Variants in EFHD1 observed in about 807,000 individuals in gnomAD.
EFHD1 encodes EF-hand domain-containing protein D1.
A neutral mutation model predicts 17.2 loss-of-function variants in EFHD1; 10 were observed. The ratio of observed to expected loss-of-function variants is 0.58; its 90% CI spans 0.36 to 0.99. The LOEUF (loss-of-function observed/expected upper bound fraction) is 0.99. Among genes scored for constraint, EFHD1 ranks in the 50% least tolerant of loss-of-function variants. The probability of loss-of-function intolerance (pLI) is 0.01; values close to 1 mark genes in which losing one functional copy is unlikely to be tolerated. For synonymous variants in EFHD1, 153 were observed against 142.0 expected (o/e 1.08, Z -0.55); for missense variants, 310 against 327.5 (o/e 0.95, Z 0.41).
intron 1 of EFHD1, among the ~76,000 whole-genome samples, chr2:232,649,616 A>C (rs1384641991): frequency 6.6e-6 from 1 of 152,162 alleles, no homozygotes; most frequent in East Asian, 1.9e-4. Flanking sequence ...CTACTTTAAA[A>C]AAATAGCCTC....
At chr2:232,631,466 A>T (rs1694200025), upstream of EFHD1, among the ~76,000 whole-genome samples, 2 of 151,054 alleles carry the variant, frequency 1.3e-5, no homozygotes, top group Admixed American at 6.6e-5. Flanking sequence ...TTTTTATTTT[A>T]TTTTTATTTT....
At chr2:232,612,461 AG>A (rs1434714618) in intron 1 of EFHD1, among the ~76,000 whole-genome samples, 2 of 152,208 alleles carry the variant, frequency 1.3e-5, no homozygotes, top group Non-Finnish European at 2.9e-5. Flanking sequence ...AATGGGCAAA[AG>A]ATTTGAATCA....
chr2:232,660,198 A>T (rs1031128903), intron 1 of EFHD1, among the ~76,000 whole-genome samples: 2 of 60,432 alleles, frequency 3.3e-5, no homozygotes, highest in Admixed American at 1.5e-4. Flanking sequence ...TTATTTATTT[A>T]TTTATTTTTT....
chr2:232,634,992 CTG>C (rs984955516), intron 1 of EFHD1, among the ~76,000 whole-genome samples: 2 of 152,238 alleles, frequency 1.3e-5, no homozygotes, highest in Admixed American at 1.3e-4. Context: ...GGCGCTGTGA[CTG>C]GCGCTGCGTC....
chr2:232,635,876 G>A (rs1694310273), intron 1 of EFHD1, among the ~76,000 whole-genome samples: 1 of 151,816 alleles, frequency 6.6e-6, no homozygotes, highest in Admixed American at 6.6e-5. Flanking sequence ...TCCCAGCAGA[G>A]CTAACAGTTC....
Position 232,662,783 on chromosome 2 carries a change from C to T in EFHD1, c.303-19C>T, listed in dbSNP as rs1694897639. ...CGAGTGTCCTTTCATCCCGGTCATG[C>T]ATTCCTTTGACCCTGCAGGTATGAC... is the stretch of plus-strand genomic sequence containing the variant. On this transcript the variant is annotated intron_variant, in intron 1 of 3. Transcript: ENST00000264059. 6.4e-7 allele frequency: 1 copy of T among 1,554,310 alleles called. No individual in the cohort carries two copies. Among genetic ancestry groups the T allele is most frequent in the African/African-American group, 1.4e-5 (1 of 70,742 alleles).
chr2:232,649,739 G>A (rs1490069082), intron 1 of EFHD1: 1 of 152,414 alleles, frequency 6.6e-6, no homozygotes, highest in East Asian at 1.9e-4. Flanking sequence ...GTTACAGATG[G>A]GGCCAAGTCT....
At chr2:232,664,986 A>T (rs1245264353) in intron 2 of EFHD1, among the ~76,000 whole-genome samples, 1 of 151,904 alleles carries the variant, frequency 6.6e-6, no homozygotes, top group Non-Finnish European at 1.5e-5. Context: ...GTCTTACCTC[A>T]CTGCAACCCT....
intron 2 of EFHD1, among the ~76,000 whole-genome samples, chr2:232,670,312 G>A (rs1298217248): frequency 2.6e-5 from 4 of 152,010 alleles, no homozygotes; most frequent in African/African-American, 7.2e-5. Context: ...GTGATGTCAC[G>A]CTCCTGTAAT....
At chr2:232,649,900 T>A (rs1331705536) in intron 1 of EFHD1, 2 of 152,262 alleles carry the variant, frequency 1.3e-5, no homozygotes, top group African/African-American at 2.4e-5. Flanking sequence ...GAGGATCTCC[T>A]GAGCCCAAGA....
At chr2:232,656,772 T>A (rs1377105155) in intron 1 of EFHD1, among the ~76,000 whole-genome samples, 2 of 152,060 alleles carry the variant, frequency 1.3e-5, no homozygotes, top group East Asian at 1.9e-4. Context: ...TGGTGAGATA[T>A]ACATAATGTG....
intron 1 of EFHD1, among the ~76,000 whole-genome samples, chr2:232,615,312 A>AGTGTGTGTGTGT (rs35239145): frequency 0.012 from 1,596 of 136,512 alleles, 22 homozygotes; most frequent in South Asian, 0.03. Flanking sequence ...TGTCAACTAT[A>AGTGTGTGTGTGT]GTGTGTGTGT....
upstream of EFHD1, among the ~76,000 whole-genome samples, chr2:232,631,404 G>A (rs1207139825): frequency 6.6e-6 from 1 of 151,730 alleles, no homozygotes; most frequent in East Asian, 1.9e-4. Context: ...GGGCCCAAGT[G>A]ATCCCAAATA....
At chr2:232,622,437 C>G (rs1157185145) in intron 1 of EFHD1, among the ~76,000 whole-genome samples, 1 of 150,386 alleles carries the variant, frequency 6.6e-6, no homozygotes, top group Non-Finnish European at 1.5e-5. Context: ...CCACTGCACT[C>G]CAGCCTGGGC....
At chr2:232,679,149 A>G (rs1695229612) in intron 3 of EFHD1, among the ~76,000 whole-genome samples, 1 of 152,198 alleles carries the variant, frequency 6.6e-6, no homozygotes, top group African/African-American at 2.4e-5. Context: ...AAAGGTATTA[A>G]AAGGAAATTC....
At chr2:232,677,223 CACACACACACACACACACGT>C (rs1471415224) in intron 3 of EFHD1, among the ~76,000 whole-genome samples, 1 of 138,412 alleles carries the variant, frequency 7.2e-6, no homozygotes, top group Admixed American at 7.6e-5. Context: ...CACACACACA[CACACACACACACACACACGT>C]ACACACACAC....
At chr2:232,653,343 T>C (rs2106205567) in intron 1 of EFHD1, among the ~76,000 whole-genome samples, 1 of 151,908 alleles carries the variant, frequency 6.6e-6, no homozygotes, top group Admixed American at 6.6e-5. Flanking sequence ...CAGGCTGGAG[T>C]GCAGTGGCAT....
chr2:232,681,905 G>A lies in EFHD1; in HGVS notation c.*186G>A. 1 of 908,512 alleles carries A rather than the reference G, an allele frequency of 1.1e-6. No homozygotes were observed. The highest frequency in any genetic ancestry group is 1.6e-6 in the Non-Finnish European group (1 of 634,104). 56.3% of individuals were successfully genotyped at this position (908,512 alleles called of 1,614,324 possible). A position where few individuals can be genotyped will look rare whatever the true frequency, so the allele number is the denominator to read the frequency against. Reference sequence around the variant, plus strand: ...CCAAGCCCCTCCAGGAGGGTCCTGGGGTGGGCCAGATGCCTGCCCACCTCT... The same window carrying A: ...CCAAGCCCCTCCAGGAGGGTCCTGGAGTGGGCCAGATGCCTGCCCACCTCT... On this transcript the variant is annotated 3_prime_UTR_variant, in exon 4 of 4. Transcript: ENST00000264059.
At chr2:232,633,561 C>A (rs1284709009), upstream of EFHD1, 7 of 1,287,294 alleles carry the variant, frequency 5.4e-6, no homozygotes, top group South Asian at 2.5e-5. Flanking sequence ...CCCGCCAGTC[C>A]GTCCTCAGAC....
Sources: allele counts gnomAD v4.1 joint callset (sites outside exome capture counted in the v4.1 genomes callset), GRCh38; gene constraint gnomAD v4.1.1; transcripts MANE v1.5; gene names NCBI Gene and HGNC (gene_info 2026-07-23, HGNC 2026-07-21).